Variants in CSMD3 observed in about 807,000 individuals in gnomAD.
The protein encoded by CSMD3 is CUB and Sushi multiple domains 3, also known as CUB and sushi domain-containing protein 3.
CSMD3 carries 177 observed loss-of-function variants against 435.2 expected under a neutral mutation model. That is an observed-to-expected ratio of 0.41 (90% CI 0.36 to 0.46). The LOEUF is 0.46. CSMD3 is among the 20% of genes least tolerant of loss of function. The pLI, the probability that CSMD3 is intolerant of heterozygous loss-of-function variation, is 0.34. For synonymous variants in CSMD3, 1,656 were observed against 1,520.5 expected, an observed-to-expected ratio of 1.09 and a Z score of -2.07; for missense variants, 4,265 against 4,504.6, an observed-to-expected ratio of 0.95 and a Z score of 1.52.
intron 1 of CSMD3, among the ~76,000 whole-genome samples, chr8:113,436,117 CT>C (rs2130140910): frequency 6.6e-6 from 1 of 152,244 alleles, no homozygotes; most frequent in African/African-American, 2.4e-5. Context: ...GGAAGCTCCC[CT>C]ACATTTAACA....
intron 59 of CSMD3, among the ~76,000 whole-genome samples, chr8:112,274,726 C>T (rs1426619473): frequency 1.3e-5 from 2 of 151,990 alleles, no homozygotes; most frequent in African/African-American, 4.8e-5. Context: ...AAGCTGAAAA[C>T]ATTATCATAA....
chr8:113,171,592 A>G (rs1007014326), intron 4 of CSMD3, among the ~76,000 whole-genome samples: 4 of 152,100 alleles, frequency 2.6e-5, no homozygotes, highest in South Asian at 4.1e-4. Flanking sequence ...AATATTCCAT[A>G]TAATATCCAA....
At chr8:112,379,812 CA>C (rs1025091042) in intron 38 of CSMD3, among the ~76,000 whole-genome samples, 1 of 152,102 alleles carries the variant, frequency 6.6e-6, no homozygotes, top group African/African-American at 2.4e-5. Flanking sequence ...CGGATAAAAA[CA>C]GATATACAGA....
At chr8:113,335,536 TC>T (rs1264528021) in intron 1 of CSMD3, among the ~76,000 whole-genome samples, 22 of 130,860 alleles carry the variant, frequency 1.7e-4, no homozygotes, top group African/African-American at 6.1e-4. Flanking sequence ...TCCTCCTCCT[TC>T]TTTTTTTTTT....
intron 22 of CSMD3, among the ~76,000 whole-genome samples, chr8:112,593,393 A>T (rs1831366877): frequency 6.6e-6 from 1 of 152,196 alleles, no homozygotes; most frequent in East Asian, 1.9e-4. Flanking sequence ...AGTAAAAGTT[A>T]GAACTTGGAG....
At chr8:113,091,801 A>G (rs1377414814) in intron 5 of CSMD3, among the ~76,000 whole-genome samples, 2 of 150,962 alleles carry the variant, frequency 1.3e-5, no homozygotes, top group African/African-American at 4.9e-5. Context: ...TCTTATCTTT[A>G]TTATTGCTTT....
chr8:113,224,324 C>G (rs904426884), intron 3 of CSMD3, among the ~76,000 whole-genome samples: 1 of 150,906 alleles, frequency 6.6e-6, no homozygotes, highest in African/African-American at 2.4e-5. Flanking sequence ...TTCAATAAAC[C>G]CCATTCATCT....
intron 6 of CSMD3, among the ~76,000 whole-genome samples, chr8:113,016,251 T>A (rs968682700): frequency 1.3e-5 from 2 of 151,902 alleles, no homozygotes; most frequent in Non-Finnish European, 2.9e-5. Flanking sequence ...TTAAACCACA[T>A]TTTTAATACT....
intron 4 of CSMD3, among the ~76,000 whole-genome samples, chr8:113,106,568 A>C (rs1209364899): frequency 6.6e-6 from 1 of 152,234 alleles, no homozygotes; most frequent in Admixed American, 6.5e-5. Context: ...TTAATGGTCA[A>C]AGGATTTACA....
intron 6 of CSMD3, among the ~76,000 whole-genome samples, chr8:112,994,998 T>C (rs530818338): frequency 2.0e-5 from 3 of 151,614 alleles, no homozygotes; most frequent in Non-Finnish European, 4.4e-5. Context: ...TAAATATTTT[T>C]CTTATACTTT....
chr8:112,362,821 G>A (rs969683448), intron 38 of CSMD3, among the ~76,000 whole-genome samples: 13 of 151,894 alleles, frequency 8.6e-5, no homozygotes, highest in Admixed American at 4.6e-4. Context: ...TTATCCTGAG[G>A]GGTAGTTGTG....
intron 3 of CSMD3, among the ~76,000 whole-genome samples, chr8:113,192,534 G>A (rs2092600580): frequency 6.6e-6 from 1 of 151,298 alleles, no homozygotes. Flanking sequence ...CACTTTTCTG[G>A]ACTTAAATGA....
chr8:113,108,567 C>T (rs183924764), intron 4 of CSMD3, among the ~76,000 whole-genome samples: 1 of 152,208 alleles, frequency 6.6e-6, no homozygotes, highest in African/African-American at 2.4e-5. Context: ...TAACTATTCG[C>T]AGATTCCAGA....
intron 1 of CSMD3, among the ~76,000 whole-genome samples, chr8:113,386,939 G>A (rs996502641): frequency 1.3e-5 from 2 of 151,654 alleles, no homozygotes; most frequent in African/African-American, 4.8e-5. Context: ...AGAGCTTCCC[G>A]CAATGGCAAT....
intron 49 of CSMD3, 52 bp downstream of exon 49, chr8:112,313,854 T>C (rs1822214258): frequency 1.4e-6 from 2 of 1,406,140 alleles, no homozygotes; most frequent in Admixed American, 1.7e-5. Flanking sequence ...TTAATCATAA[T>C]CATACCGAAG....
chr8:113,285,406 G>A (rs1205547899), intron 2 of CSMD3, among the ~76,000 whole-genome samples: 2 of 151,756 alleles, frequency 1.3e-5, no homozygotes, highest in African/African-American at 4.8e-5. Context: ...GACTACAGGC[G>A]CCCGCCACCA....
At chr8:113,284,146 T>C (rs572607413) in intron 2 of CSMD3, among the ~76,000 whole-genome samples, 47 of 152,166 alleles carry the variant, frequency 3.1e-4, no homozygotes, top group African/African-American at 1.0e-3. Context: ...ACTGCTTAAG[T>C]GATGGGTGCA....
At chr8:113,342,039 T>C (rs1374326846) in intron 1 of CSMD3, among the ~76,000 whole-genome samples, 8 of 151,462 alleles carry the variant, frequency 5.3e-5, no homozygotes, top group Non-Finnish European at 1.2e-4. Flanking sequence ...ACCAAACTCG[T>C]AGAATAGCCA....
At chr8:112,566,285 C>G (rs2131271541) in intron 24 of CSMD3, among the ~76,000 whole-genome samples, 1 of 152,006 alleles carries the variant, frequency 6.6e-6, no homozygotes, top group Admixed American at 6.6e-5. Flanking sequence ...CTTTGCTATG[C>G]TTTTTATTTC....
Sources: allele counts gnomAD v4.1 joint callset (sites outside exome capture counted in the v4.1 genomes callset), GRCh38; gene constraint gnomAD v4.1.1; transcripts MANE v1.5; gene names NCBI Gene and HGNC (gene_info 2026-07-23, HGNC 2026-07-21).